The following CORO7 variants were observed in gnomAD, a reference collection of about 807,000 sequenced individuals.
CORO7 encodes coronin-7.
Under a neutral mutation model 126.6 loss-of-function variants are expected in CORO7, and 107 were observed. The observed-to-expected ratio is 0.85, with a 90% CI of 0.72 to 0.99. CORO7 has a LOEUF of 0.99. Among genes scored for constraint, CORO7 ranks in the 50% least tolerant of loss-of-function variants. The pLI is 0.00. For missense variants in CORO7, 1,314 were observed against 1,255.8 expected (o/e 1.05, Z -0.70); for synonymous variants, 603 against 536.8 (o/e 1.12, Z -1.70).
Position 4,405,548 on chromosome 16 carries a change from G to A in CORO7, c.507C>T (p.Asp169=). ...GGCTCCAGACGGCGCTCTGCACCAG[G>A]TCCCCATGGGCTGCCAGCTCTGCAG... ...QPLTELAAHG[D]LVQSAVWSRD... is the part of the protein sequence containing the mutation. Residue 169 remains aspartate, a synonymous_variant, in exon 6 of 28, where the codon GAC becomes GAT. Coordinates refer to ENST00000251166, the MANE Select transcript of CORO7 (RefSeq NM_024535.5). 1 of 1,612,810 alleles carries A rather than the reference G, an allele frequency of 6.2e-7. No homozygotes were observed. The highest frequency in any genetic ancestry group is 8.5e-7 in the Non-Finnish European group (1 of 1,179,864).
chr16:4,362,877 G>T lies in CORO7; in HGVS notation c.1276-139C>A. Reference sequence around the variant, plus strand: ...CCCACTGTGGGCATGCGACAGGAGCGGCGGGGGGCACGGGCATAAACGCAG... The same window carrying T: ...CCCACTGTGGGCATGCGACAGGAGCTGCGGGGGGCACGGGCATAAACGCAG... On this transcript the variant is annotated intron_variant, in intron 14 of 27. Coordinates refer to ENST00000251166, the MANE Select transcript of CORO7 (RefSeq NM_024535.5). The surrounding 1 kb of genome is among the most constrained non-coding windows in gnomAD (Gnocchi z 5.3). The T allele has an allele frequency of 9.6e-7, 1 of 1,044,374 alleles. No individual in the cohort carries two copies. Among genetic ancestry groups the T allele is most frequent in the Non-Finnish European group, 1.2e-6 (1 of 811,062 alleles). 64.7% of individuals were successfully genotyped at this position (1,044,374 alleles called of 1,614,324 possible).
At position 4,355,362 on chromosome 16, in the gene CORO7, G is replaced by A. The variant is rs751495766; in HGVS notation, c.2696C>T (p.Ala899Val). Residue 899 changes from alanine to valine, a missense_variant, in exon 27 of 28, where the codon GCC (alanine) becomes GTC (valine). Physicochemically the swap from Ala to Val is moderately conservative, Grantham distance 64. Transcript: ENST00000251166. ...CCGGTTCCCCAGTTTTGCCACCATG[G>A]CATTCAGCAGCTGGGAGAGAGGGCA... is the stretch of plus-strand genomic sequence containing the variant. Reference protein sequence around the residue: ...DQQKKEELLNAMVAKLGNRED... With the variant: ...DQQKKEELLNVMVAKLGNRED... 8 of 1,610,580 alleles carry A rather than the reference G, an allele frequency of 5.0e-6. No individual in the cohort carries two copies. The Admixed American group carries it at 5.0e-5, about 10-fold the overall frequency.
At chr16:4,357,355 CTTTTTTTTTTT>C (rs61391325) in intron 25 of CORO7, 96 bp from the exon 26 acceptor site, 2 of 727,736 alleles carry the variant, frequency 2.7e-6, no homozygotes, top group South Asian at 4.9e-5. Flanking sequence ...TTCTTTCTTT[CTTTTTTTTTTT>C]TTTTTTTTGA....
Position 4,362,000 on chromosome 16 carries a change from C to T in CORO7, c.1563G>A (p.Gln521=). The change falls in exon 16 of 28, where the codon CAG becomes CAA. Residue 521 remains glutamine, a synonymous_variant. Coordinates refer to ENST00000251166, the MANE Select transcript of CORO7 (RefSeq NM_024535.5). ...VAVPLLSSGG[Q]VAVLELRKPG... Reference sequence around the variant, plus strand: ...GGGCCCTCACCTCAAGCACAGCCACCTGTCCCCCGCTGCTGAGCAGCGGCA... The same window carrying T: ...GGGCCCTCACCTCAAGCACAGCCACTTGTCCCCCGCTGCTGAGCAGCGGCA... 1 of 1,608,708 alleles carries T rather than the reference C, an allele frequency of 6.2e-7. No individual in the cohort carries two copies. The highest frequency in any genetic ancestry group is 8.5e-7 in the Non-Finnish European group (1 of 1,177,894).
intron 9 of CORO7, among the ~76,000 whole-genome samples, chr16:4,374,162 G>A (rs909521583): frequency 1.3e-5 from 2 of 150,404 alleles, no homozygotes; most frequent in Admixed American, 6.6e-5. Flanking sequence ...CTGTGTGCGC[G>A]TGACTGGAGC....
intron 6 of CORO7, among the ~76,000 whole-genome samples, chr16:4,403,277 C>T (rs1013250937): frequency 1.4e-4 from 22 of 152,188 alleles, no homozygotes; most frequent in Non-Finnish European, 8.8e-5. Context: ...CCCCCACTCC[C>T]GGCTCCATAC....
intron 9 of CORO7, among the ~76,000 whole-genome samples, chr16:4,369,093 G>A (rs1188632073): frequency 6.6e-6 from 1 of 152,256 alleles, no homozygotes; most frequent in African/African-American, 2.4e-5. Context: ...CAGCCAGCCA[G>A]CCACTGACTC....
intron 9 of CORO7, among the ~76,000 whole-genome samples, chr16:4,373,131 T>TG (rs1214690253): frequency 6.6e-6 from 1 of 151,942 alleles, no homozygotes; most frequent in Non-Finnish European, 1.5e-5. Flanking sequence ...CCAACAGAGC[T>TG]GGGGCAGGCG....
chr16:4,362,417 G>A lies in CORO7; in HGVS notation c.1402+195C>T, dbSNP rs564277633. Among the ~76,000 whole-genome samples, 2 of 152,204 alleles carry A rather than the reference G, an allele frequency of 1.3e-5. No individual in the cohort carries two copies. The highest frequency in any genetic ancestry group is 1.9e-4 in the East Asian group (1 of 5,162). On this transcript the variant is annotated intron_variant, in intron 15 of 27. Coordinates refer to ENST00000251166, the MANE Select transcript of CORO7 (RefSeq NM_024535.5). The surrounding 1 kb of genome is among the most constrained non-coding windows in gnomAD (Gnocchi z 5.3). ...TGCTCAGAAGCTGGTGGCCCCAGCC[G>A]CCCTCCTATTTTGCAGGTGAGACTC...
chr16:4,384,808 T>G (rs1482370545), intron 9 of CORO7, among the ~76,000 whole-genome samples: 1 of 152,104 alleles, frequency 6.6e-6, no homozygotes, highest in African/African-American at 2.4e-5. Context: ...TAGGCCTGGG[T>G]CCCATTAGGG....
chr16:4,359,418 G>A (rs377174017), intron 22 of CORO7, 33 bp from the exon 23 acceptor site: 37 of 1,613,278 alleles, frequency 2.3e-5, no homozygotes, highest in South Asian at 3.3e-5. Flanking sequence ...GGAACCCTCC[G>A]GCAACACTGG....
chr16:4,375,389 C>T (rs1395002052), intron 9 of CORO7, among the ~76,000 whole-genome samples: 1 of 152,264 alleles, frequency 6.6e-6, no homozygotes, highest in Non-Finnish European at 1.5e-5. Flanking sequence ...TGACTGTCCC[C>T]TTTGCAACCC....
At position 4,354,989 on chromosome 16, in the gene CORO7, C is replaced by T; in HGVS notation, c.*169G>A. ...AGAGACAGCAGAGGTGAAAACAGTC[C>T]CTGGGAACTGCCAGAGGCCCAGAGG... is the stretch of plus-strand genomic sequence containing the variant. On this transcript the variant is annotated 3_prime_UTR_variant, in exon 28 of 28. Transcript: ENST00000251166. 2 of 651,230 alleles carry T rather than the reference C, an allele frequency of 3.1e-6. No individual in the cohort carries two copies. The highest frequency in any genetic ancestry group is 4.8e-6 in the Non-Finnish European group (2 of 413,678). 40.3% of individuals were successfully genotyped at this position (651,230 alleles called of 1,614,324 possible).
chr16:4,367,445 G>T (rs2054382951), intron 9 of CORO7, among the ~76,000 whole-genome samples: 1 of 152,224 alleles, frequency 6.6e-6, no homozygotes, highest in Non-Finnish European at 1.5e-5. Context: ...GGCTCGACCT[G>T]CATGTAGGTA....
intron 9 of CORO7, among the ~76,000 whole-genome samples, chr16:4,387,022 T>G (rs1252469434): frequency 6.6e-6 from 1 of 152,204 alleles, no homozygotes; most frequent in Non-Finnish European, 1.5e-5. Context: ...ATGAATAAGC[T>G]TGCCAAGTAC....
At chr16:4,405,421 C>T (rs2055961138) in intron 6 of CORO7, 70 bp downstream of exon 6, 1 of 1,525,056 alleles carries the variant, frequency 6.6e-7, no homozygotes, top group East Asian at 2.3e-5. Context: ...CCTGGAAGGC[C>T]CAGCCCAGGG....
rs1596344517 is a variant in CORO7 at position 4,412,472 on chromosome 16, G to A, written c.158-42C>T. On this transcript the variant is annotated intron_variant, in intron 2 of 27. Transcript: ENST00000251166. ...GGGACTCTGACTTCAGGCCCCACAG[G>A]GCCACCCACCTCCTTGCCCAGGGAT... 3.7e-6 allele frequency: 6 copies of A among 1,607,736 alleles called. No homozygotes were observed. In the African/African-American group the frequency reaches 6.7e-5, roughly 18 times the overall value.
chr16:4,398,697 T>C (rs1350708677), intron 6 of CORO7, among the ~76,000 whole-genome samples: 6 of 142,960 alleles, frequency 4.2e-5, no homozygotes, highest in South Asian at 4.4e-4. Flanking sequence ...AGGCTGGGCG[T>C]GGTGGCTCAC....
At chr16:4,376,815 A>G (rs1296738796) in intron 9 of CORO7, among the ~76,000 whole-genome samples, 1 of 150,954 alleles carries the variant, frequency 6.6e-6, no homozygotes, top group Non-Finnish European at 1.5e-5. Context: ...GAGATACCCC[A>G]CCCCCGCTCC....
Sources: gnomAD v4.1 joint callset for allele counts (sites outside exome capture counted in the v4.1 genomes callset) on GRCh38, gnomAD v4.1.1 for gene constraint, Gnocchi (gnomAD v3.1) non-coding constraint, MANE v1.5 for transcripts, NCBI Gene and HGNC (gene_info 2026-07-23, HGNC 2026-07-21) for gene names.